Variants in SVOPL observed in about 807,000 individuals in gnomAD.
SVOPL encodes SVOP like, also known as putative transporter SVOPL.
A neutral mutation model predicts 61.0 loss-of-function variants in SVOPL; 60 were observed. The observed-to-expected ratio is 0.98, with a 90% CI of 0.80 to 1.22. The LOEUF is 1.22. SVOPL is among the 50% of genes most tolerant of loss of function. The probability of loss-of-function intolerance (pLI) is 0.00; values close to 1 mark genes in which losing one functional copy is unlikely to be tolerated. For synonymous variants in SVOPL, 279 were observed against 250.0 expected, an observed-to-expected ratio of 1.12 and a Z score of -1.09; for missense variants, 662 against 643.9, an observed-to-expected ratio of 1.03 and a Z score of -0.30.
chr7:138,660,063 G>T (rs1468398454), intron 5 of SVOPL, 75 bp from the exon 6 acceptor site: 1 of 1,526,984 alleles, frequency 6.5e-7, no homozygotes, highest in African/African-American at 1.4e-5. Flanking sequence ...TTCTGAAGGC[G>T]ATTTTCGGTT....
intron 9 of SVOPL, among the ~76,000 whole-genome samples, chr7:138,643,129 T>C (rs989697469): frequency 2.0e-5 from 3 of 151,902 alleles, no homozygotes; most frequent in East Asian, 1.9e-4. Flanking sequence ...TCCAGAAGAA[T>C]TGAAAGTGAG....
chr7:138,674,210 CA>C (rs1275211752), intron 3 of SVOPL, among the ~76,000 whole-genome samples: 2 of 151,458 alleles, frequency 1.3e-5, no homozygotes, highest in Non-Finnish European at 3.0e-5. Context: ...TACACACACA[CA>C]CACACACATA....
chr7:138,614,361 C>T (rs963594612), intron 14 of SVOPL, among the ~76,000 whole-genome samples: 2 of 150,748 alleles, frequency 1.3e-5, no homozygotes, highest in African/African-American at 4.9e-5. Flanking sequence ...TTGTACAAGG[C>T]TAGTTCCGCT....
At chr7:138,660,236 G>T (rs1025030420) in intron 5 of SVOPL, 8 of 1,195,882 alleles carry the variant, frequency 6.7e-6, no homozygotes, top group Non-Finnish European at 8.3e-6. Flanking sequence ...CACCCTCATG[G>T]GTGGCAGGTC....
chr7:138,619,561 TAAAAAAAA>T (rs11440977), intron 14 of SVOPL, among the ~76,000 whole-genome samples: 8 of 60,322 alleles, frequency 1.3e-4, no homozygotes, highest in East Asian at 7.9e-4. Flanking sequence ...TCTCAGATGT[TAAAAAAAA>T]AAAAAAAAAA....
chr7:138,673,406 G>A (rs1277269347), intron 3 of SVOPL, among the ~76,000 whole-genome samples: 1 of 152,138 alleles, frequency 6.6e-6, no homozygotes, highest in South Asian at 2.1e-4. Context: ...TCTGTAATCT[G>A]AGCACTTTGG....
chr7:138,602,941 C>G (rs1229129661), intron 14 of SVOPL, among the ~76,000 whole-genome samples: 1 of 152,134 alleles, frequency 6.6e-6, no homozygotes, highest in Non-Finnish European at 1.5e-5. Context: ...CACCATAACA[C>G]AGATATATCT....
At chr7:138,684,484 G>T in intron 1 of SVOPL, among the ~76,000 whole-genome samples, 1 of 152,194 alleles carries the variant, frequency 6.6e-6, no homozygotes, top group Middle Eastern at 3.2e-3. Context: ...ATTGCCGATA[G>T]GCAGCCAGTA....
At chr7:138,617,421 A>G (rs1172322468) in intron 14 of SVOPL, among the ~76,000 whole-genome samples, 1 of 152,254 alleles carries the variant, frequency 6.6e-6, no homozygotes, top group East Asian at 1.9e-4. Flanking sequence ...AGGAAAAAGA[A>G]AAAGTGGAAG....
At chr7:138,664,249 G>T in intron 4 of SVOPL, 1 of 972,212 alleles carries the variant, frequency 1.0e-6, no homozygotes, top group Non-Finnish European at 1.2e-6. Flanking sequence ...CCCACCTAGC[G>T]CGCGCCTAAC....
chr7:138,660,042 G>A, intron 5 of SVOPL, 54 bp from the exon 6 acceptor site: 7 of 1,544,426 alleles, frequency 4.5e-6, no homozygotes, highest in Non-Finnish European at 6.1e-6. Context: ...GGGGAGGGAA[G>A]AAGCCCTAAC....
chr7:138,628,226 C>G lies in SVOPL; in HGVS notation c.1001G>C (p.Cys334Ser). 6.2e-7 allele frequency: 1 copy of G among 1,614,186 alleles called. No homozygotes were observed. The highest frequency in any genetic ancestry group is 8.5e-7 in the Non-Finnish European group (1 of 1,180,032). Residue 334 changes from cysteine to serine, a missense_variant, in exon 11 of 16, where the codon TGC (cysteine) becomes TCC (serine). Cys to Ser is a moderately radical substitution (Grantham distance 112). Transcript: ENST00000674285. The stretch of plus-strand genomic sequence containing the variant: ...AGAGGGTGCAAACATGTGGCAGTAG[C>G]AGGGGCTCTGGCTCTCCCCTGAGTC... ...GGDSGESQSPCYCHMFAPSDY... is the reference protein window; with the variant it reads ...GGDSGESQSPSYCHMFAPSDY...
intron 8 of SVOPL, among the ~76,000 whole-genome samples, chr7:138,646,787 G>A (rs1584828242): frequency 6.6e-6 from 1 of 152,164 alleles, no homozygotes. Context: ...CTAAAGTGCT[G>A]GGATTACAAA....
At chr7:138,658,906 C>T (rs1801874233) in intron 6 of SVOPL, among the ~76,000 whole-genome samples, 1 of 132,736 alleles carries the variant, frequency 7.5e-6, no homozygotes, top group Non-Finnish European at 1.6e-5. Context: ...CATCTACCAA[C>T]TACCACCATC....
intron 14 of SVOPL, among the ~76,000 whole-genome samples, chr7:138,618,189 T>G (rs1162457648): frequency 6.6e-6 from 1 of 152,186 alleles, no homozygotes; most frequent in East Asian, 1.9e-4. Flanking sequence ...TTGAGAAGTA[T>G]CCATTGGAAT....
At chr7:138,686,572 T>G (rs987132000) in intron 1 of SVOPL, among the ~76,000 whole-genome samples, 9 of 149,202 alleles carry the variant, frequency 6.0e-5, no homozygotes, top group South Asian at 2.1e-4. Context: ...GTTTTTTTTT[T>G]TTTTTTTTTT....
chr7:138,611,863 C>CT (rs1799027879), intron 14 of SVOPL, among the ~76,000 whole-genome samples: 2 of 78,932 alleles, frequency 2.5e-5, no homozygotes, highest in Non-Finnish European at 2.6e-5. Flanking sequence ...AGATTGCAGC[C>CT]TCTGCCCGGC....
At chr7:138,677,275 C>T (rs932562227) in intron 3 of SVOPL, among the ~76,000 whole-genome samples, 2 of 152,062 alleles carry the variant, frequency 1.3e-5, no homozygotes, top group Non-Finnish European at 2.9e-5. Flanking sequence ...AGAAAAAAGA[C>T]TGCTGCGTCC....
chr7:138,684,235 G>C, intron 1 of SVOPL, among the ~76,000 whole-genome samples: 1 of 146,688 alleles, frequency 6.8e-6, no homozygotes, highest in East Asian at 2.1e-4. Context: ...CACGATGGTG[G>C]GTGCCTGTAA....
Sources: allele counts gnomAD v4.1 joint callset (sites outside exome capture counted in the v4.1 genomes callset), GRCh38; gene constraint gnomAD v4.1.1; transcripts MANE v1.5; gene names NCBI Gene and HGNC (gene_info 2026-07-23, HGNC 2026-07-21).